TTN: variants seen among roughly 807,000 people sequenced by gnomAD.
TTN encodes titin.
In TTN, 1,525 loss-of-function variants were observed where a neutral mutation model predicts 3,223.0. The observed-to-expected ratio is 0.47, with a 90% CI of 0.45 to 0.49. The LOEUF is 0.49. Ranked by LOEUF, TTN falls within the 20% of genes least tolerant of loss-of-function variation. TTN has a pLI of 0.00. For missense variants in TTN, 40,786 were observed against 43,424.0 expected, an observed-to-expected ratio of 0.94 and a Z score of 5.40; for synonymous variants, 14,094 against 15,161.0, an observed-to-expected ratio of 0.93 and a Z score of 5.17.
chr2:178,706,692 T>C lies in TTN; in HGVS notation c.29182A>G (p.Asn9728Asp), dbSNP rs794729400. 26 of 1,613,282 alleles carry C rather than the reference T, an allele frequency of 1.6e-5. No individual in the cohort carries two copies. The highest frequency in any genetic ancestry group is 2.7e-5 in the African/African-American group (2 of 74,896). ...CACTTCCCTTTTGTCCATTTAACAT[T>C]TGGGATTGGGTCACCTCCAACTTTT... is the stretch of plus-strand genomic sequence containing the variant. ...IAKVGGDPIPNVKWTKGKWRQ... is the reference protein window; with the variant it reads ...IAKVGGDPIPDVKWTKGKWRQ... The change falls in exon 102 of 363, where the codon AAT becomes GAT. Residue 9728 changes from asparagine (N) to aspartate (D), a missense_variant. Coordinates refer to ENST00000589042, the MANE Select transcript of TTN (RefSeq NM_001267550.2).
Position 178,733,318 on chromosome 2 carries a change from C to A in TTN, c.15975G>T (p.Leu5325=), listed in dbSNP as rs377644371. ...VAQLKFYSAE[L]HDSGQYTFEI... ...CAAATGTGTATTGGCCACTGTCGTGCAGCTCAGCTGAATAAAATTTGAGCT... is the reference window on the plus strand; with the variant it reads ...CAAATGTGTATTGGCCACTGTCGTGAAGCTCAGCTGAATAAAATTTGAGCT... Residue 5325 remains leucine, a synonymous_variant, in exon 54 of 363, where the codon CTG becomes CTT. Transcript: ENST00000589042. The A allele has an allele frequency of 1.3e-5, 21 of 1,613,692 alleles. No individual in the cohort carries two copies. The highest frequency in any genetic ancestry group is 1.8e-5 in the Non-Finnish European group (21 of 1,179,778).
In TTN at chr2:178,722,488, C is replaced by T. The variant is rs1259671784; in HGVS notation, c.22299G>A (p.Gly7433=). The T allele has an allele frequency of 1.2e-6, 2 of 1,613,244 alleles. No homozygotes were observed. Among genetic ancestry groups the T allele is most frequent in the South Asian group, 1.1e-5 (1 of 91,026 alleles). ...RQLKDIEQTV[G]LPVTLTCRLN... ...ATCGACAAGTGAGTGTAACAGGTAA[C>T]CCCACAGTTTGTTCAATGTCCTTTA... Residue 7433 remains glycine (G), a synonymous_variant, in exon 77 of 363, where the codon GGG becomes GGA. Transcript: ENST00000589042.
In TTN at chr2:178,539,414, G is replaced by T; in HGVS notation, c.98651C>A (p.Ser32884Tyr). 1 of 1,613,322 alleles carries T rather than the reference G, an allele frequency of 6.2e-7. No homozygotes were observed. The highest frequency in any genetic ancestry group is 1.3e-5 in the African/African-American group (1 of 75,020). ...TGTTTTTGGTGTGACTGGTTCCTCAGATTTCAAGGGTTTGCTTATGCCAAA... is the reference window on the plus strand; with the variant it reads ...TGTTTTTGGTGTGACTGGTTCCTCATATTTCAAGGGTTTGCTTATGCCAAA... The part of the protein sequence containing the change: ...NQFGISKPLK[S>Y]EEPVTPKTPL... The change falls in exon 352 of 363, where the codon TCT (serine) becomes TAT (tyrosine). Residue 32884 changes from serine to tyrosine, a missense_variant. Ser to Tyr is a moderately radical substitution (Grantham distance 144). Coordinates refer to ENST00000589042, the MANE Select transcript of TTN (RefSeq NM_001267550.2).
At position 178,536,439 on chromosome 2, in the gene TTN, C is replaced by G. The variant is rs1403079521; in HGVS notation, c.100308G>C (p.Gln33436His). 3.7e-6 allele frequency: 6 copies of G among 1,612,358 alleles called. No individual in the cohort carries two copies. Among genetic ancestry groups the G allele is most frequent in the Non-Finnish European group, 5.1e-6 (6 of 1,179,002 alleles). The change falls in exon 357 of 363, where the codon CAG becomes CAC. Residue 33436 changes from glutamine to histidine, a missense_variant. Physicochemically the swap from Gln to His is conservative, Grantham distance 24. Transcript: ENST00000589042. ...CTGTTGTCACAGAAATCCATTTATT[C>G]TGCTTCTTCTCACGCTTCTCAAGGT... ...NYYLEKREKKQNKWISVTTEE... is the reference protein window; with the variant it reads ...NYYLEKREKKHNKWISVTTEE...
In TTN at chr2:178,731,695, C is replaced by T; in HGVS notation, c.17180G>A (p.Arg5727Lys). 6.2e-7 allele frequency: 1 copy of T among 1,608,696 alleles called. No homozygotes were observed. Among genetic ancestry groups the T allele is most frequent in the Non-Finnish European group, 8.5e-7 (1 of 1,176,330 alleles). ...CCCTCACTGGAACCAACACTAACCT[C>T]TTAAAGTCACCCTGGCACTGCAGAT... ...SSICSARVTLREPPSFIKKIE... is the reference protein window; with the variant it reads ...SSICSARVTLKEPPSFIKKIE... The change falls in exon 58 of 363, where the codon AGA (arginine) becomes AAA (lysine). Residue 5727 changes from arginine to lysine, a missense_variant and splice_region_variant. Physicochemically the swap from Arg to Lys is conservative, Grantham distance 26. Transcript: ENST00000589042.
chr2:178,729,228 G>C, intron 64 of TTN, 59 bp from the exon 65 acceptor site: 1 of 1,548,992 alleles, frequency 6.5e-7, no homozygotes, highest in Non-Finnish European at 8.7e-7. Flanking sequence ...TACCCATAAT[G>C]ATAAGATTTA....
chr2:178,770,468 G>C lies in TTN; in HGVS notation c.8324C>G (p.Ser2775Cys). The C allele has an allele frequency of 6.2e-7, 1 of 1,614,126 alleles. No individual in the cohort carries two copies. The highest frequency in any genetic ancestry group is 8.5e-7 in the Non-Finnish European group (1 of 1,180,012). The stretch of plus-strand genomic sequence containing the variant: ...CCTTCCAAGCCTGAAGCCATAAACA[G>C]ACTCATCCACGATGGCACAGTTTTT... The part of the protein sequence containing the change: ...RIKNCAIVDE[S>C]VYGFRLGRLG... Residue 2775 changes from serine (S) to cysteine (C), a missense_variant, in exon 35 of 363, where the codon TCT (serine) becomes TGT (cysteine). Coordinates refer to ENST00000589042, the MANE Select transcript of TTN (RefSeq NM_001267550.2).
Position 178,786,081 on chromosome 2 carries a change from G to A in TTN, c.2137C>T (p.Arg713Ter), listed in dbSNP as rs727505277. The A allele has an allele frequency of 1.9e-6, 3 of 1,613,956 alleles. No homozygotes were observed. Among genetic ancestry groups the A allele is most frequent in the Non-Finnish European group, 2.5e-6 (3 of 1,179,984 alleles). Residue 713 changes from arginine (R) to a stop codon, truncating the protein, a stop_gained, in exon 14 of 363, where the codon CGA becomes TGA. Coordinates refer to ENST00000589042, the MANE Select transcript of TTN (RefSeq NM_001267550.2). LOFTEE classifies it high-confidence loss of function. Reference protein sequence around the residue: ...ATVVAAVDQARVREPREPGHL... With the variant: ...ATVVAAVDQA ...CCAGGCTCTCTGGGCTCTCTGACTCGGGCCTGGTCTACTGCAGCAACAACT... is the reference window on the plus strand; with the variant it reads ...CCAGGCTCTCTGGGCTCTCTGACTCAGGCCTGGTCTACTGCAGCAACAACT...
chr2:178,751,688 T>C (rs1436894718), intron 47 of TTN: 8 of 1,613,198 alleles, frequency 5.0e-6, no homozygotes, highest in Non-Finnish European at 6.8e-6. Context: ...ATCTCTGTCT[T>C]GGACCCTTTT....
At position 178,561,773 on chromosome 2, in the gene TTN, G is replaced by A; in HGVS notation, c.84359C>T (p.Thr28120Ile). The part of the protein sequence containing the change: ...ARTSIKIVRL[T>I]TGSEYQFRVC... ...ACGGAACTGATACTCACTTCCTGTT[G>A]TCAGGCGAACTATTTTAATGGATGT... Residue 28120 changes from threonine to isoleucine, a missense_variant, in exon 326 of 363, where the codon ACA becomes ATA. Physicochemically the swap from Thr to Ile is moderately conservative, Grantham distance 89. Coordinates refer to ENST00000589042, the MANE Select transcript of TTN (RefSeq NM_001267550.2). 2 of 1,613,640 alleles carry A rather than the reference G, an allele frequency of 1.2e-6. No homozygotes were observed. The highest frequency in any genetic ancestry group is 1.7e-6 in the Non-Finnish European group (2 of 1,179,734).
Position 178,717,704 on chromosome 2 carries a change from T to A in TTN, c.25170A>T (p.Gln8390His). Residue 8390 changes from glutamine to histidine, a missense_variant, in exon 87 of 363, where the codon CAA (glutamine) becomes CAT (histidine). By Grantham distance (24) the Gln-to-His change is conservative. Coordinates refer to ENST00000589042, the MANE Select transcript of TTN (RefSeq NM_001267550.2). ...GAACCCCATCCTTGTACCAAGACAC[T>A]TGAAGAGGTTCTGAGCCATTGATGC... is the stretch of plus-strand genomic sequence containing the variant. ...ECRINGSEPL[Q>H]VSWYKDGVLL... The A allele has an allele frequency of 1.2e-6, 2 of 1,613,464 alleles. No individual in the cohort carries two copies. Among genetic ancestry groups the A allele is most frequent in the Non-Finnish European group, 1.7e-6 (2 of 1,179,612 alleles).
chr2:178,786,281 T>C (rs1218974115), intron 13 of TTN, 140 bp from the exon 14 acceptor site: 1 of 838,494 alleles, frequency 1.2e-6, no homozygotes, highest in African/African-American at 1.7e-5. Flanking sequence ...AGAAACACTT[T>C]TAGGGACTAT....
Position 178,594,185 on chromosome 2 carries a change from G to A in TTN, c.58208C>T (p.Ala19403Val). 1.2e-6 allele frequency: 2 copies of A among 1,613,346 alleles called. No individual in the cohort carries two copies. The highest frequency in any genetic ancestry group is 1.7e-6 in the Non-Finnish European group (2 of 1,179,604). The change falls in exon 297 of 363, where the codon GCT becomes GTT. Residue 19403 changes from alanine to valine, a missense_variant. By Grantham distance (64) the Ala-to-Val change is moderately conservative. Transcript: ENST00000589042. ...RDKLTIRVGE[A>V]FALTGRYSGK... ...TGAGTAACGGCCAGTGAGGGCAAAA[G>A]CTTCACCAACTCGAATCGTGAGCTT...
chr2:178,734,516 G>A lies in TTN; in HGVS notation c.15308C>T (p.Pro5103Leu). The change falls in exon 52 of 363, where the codon CCA (proline) becomes CTA (leucine). Residue 5103 changes from proline to leucine, a missense_variant. Physicochemically the swap from Pro to Leu is moderately conservative, Grantham distance 98. Transcript: ENST00000589042. ...LLQCEVSGTG[P>L]FEISWFKDKK... is the part of the protein sequence containing the mutation. ...GTCTTTGAACCAGCTAATTTCAAAT[G>A]GTCCAGTGCCTGAGACTTCACACTG... The A allele has an allele frequency of 6.2e-7, 1 of 1,613,462 alleles. No individual in the cohort carries two copies. The highest frequency in any genetic ancestry group is 8.5e-7 in the Non-Finnish European group (1 of 1,179,596).
At chr2:178,789,008 G>A (rs2093351366) in intron 13 of TTN, among the ~76,000 whole-genome samples, 1 of 152,026 alleles carries the variant, frequency 6.6e-6, no homozygotes. Flanking sequence ...GTGAGTAAGA[G>A]TCATCATTTA....
intron 152 of TTN, among the ~76,000 whole-genome samples, chr2:178,673,314 C>T (rs114499770): frequency 0.011 from 1,616 of 151,720 alleles, 22 homozygotes; most frequent in African/African-American, 0.036. Context: ...AAGAAAACTC[C>T]GTTCCACTTA....
chr2:178,611,067 T>C lies in TTN; in HGVS notation c.51062A>G (p.Asp17021Gly), dbSNP rs1353851775. 6.2e-7 allele frequency: 1 copy of C among 1,612,902 alleles called. No homozygotes were observed. Among genetic ancestry groups the C allele is most frequent in the South Asian group, 1.1e-5 (1 of 91,044 alleles). ...HLEVPKSVRADAGIYTITLEN... is the reference protein window; with the variant it reads ...HLEVPKSVRAGAGIYTITLEN... ...CAGTGTAATGGTATAAATTCCGGCA[T>C]CTGCACGGACACTCTTGGGAACTTC... The change falls in exon 270 of 363, where the codon GAT becomes GGT. Residue 17021 changes from aspartate (D) to glycine (G), a missense_variant. Asp to Gly is a moderately conservative substitution (Grantham distance 94). Coordinates refer to ENST00000589042, the MANE Select transcript of TTN (RefSeq NM_001267550.2).
At chr2:178,752,298 C>A (rs532975776) in intron 47 of TTN, among the ~76,000 whole-genome samples, 1 of 151,954 alleles carries the variant, frequency 6.6e-6, no homozygotes, top group Non-Finnish European at 1.5e-5. Context: ...AAATGCATTT[C>A]AAAATAACAT....
Position 178,608,757 on chromosome 2 carries a change from C to T in TTN, c.52254G>A (p.Trp17418Ter). 2 of 1,612,620 alleles carry T rather than the reference C, an allele frequency of 1.2e-6. No homozygotes were observed. Among genetic ancestry groups the T allele is most frequent in the Non-Finnish European group, 1.7e-6 (2 of 1,179,236 alleles). ...KKDKTKPDSE[W>*]IVVTSTLRHC... The stretch of plus-strand genomic sequence containing the variant: ...GTCTAAGTGTTGAAGTGACAACAAT[C>T]CATTCTGAGTCGGGTTTTGTCTTGT... Residue 17418 changes from tryptophan to a stop codon, truncating the protein, a stop_gained, in exon 274 of 363, where the codon TGG becomes TGA. Coordinates refer to ENST00000589042, the MANE Select transcript of TTN (RefSeq NM_001267550.2). LOFTEE classifies it high-confidence loss of function.
Sources: gnomAD v4.1 joint callset for allele counts (sites outside exome capture counted in the v4.1 genomes callset) on GRCh38, gnomAD v4.1.1 for gene constraint, MANE v1.5 for transcripts, NCBI Gene and HGNC (gene_info 2026-07-23, HGNC 2026-07-21) for gene names.